ERBB4: variants seen among roughly 807,000 people sequenced by gnomAD.
The protein encoded by ERBB4 is receptor tyrosine-protein kinase erbB-4.
ERBB4 carries 42 observed loss-of-function variants against 158.0 expected under a neutral mutation model. The ratio of observed to expected loss-of-function variants is 0.27; its 90% CI spans 0.21 to 0.34. The LOEUF (loss-of-function observed/expected upper bound fraction) is 0.34, where lower values mean the gene tolerates loss of function less well. Ranked by LOEUF, ERBB4 falls within the 10% of genes least tolerant of loss-of-function variation. The pLI, the probability that ERBB4 is intolerant of heterozygous loss-of-function variation, is 1.00. For missense variants in ERBB4, 1,333 were observed against 1,624.1 expected, an observed-to-expected ratio of 0.82 and a Z score of 3.08; for synonymous variants, 583 against 558.7, an observed-to-expected ratio of 1.04 and a Z score of -0.61.
intron 3 of ERBB4, among the ~76,000 whole-genome samples, chr2:211,850,661 A>G (rs1173537228): frequency 6.6e-6 from 1 of 151,842 alleles, no homozygotes. Flanking sequence ...TATGATTAGA[A>G]GGAGCAAGGT....
At chr2:211,923,508 A>C (rs1443613634) in intron 3 of ERBB4, among the ~76,000 whole-genome samples, 1 of 152,134 alleles carries the variant, frequency 6.6e-6, no homozygotes, top group Admixed American at 6.6e-5. Context: ...AATTGCTTAT[A>C]CTAGGCAAGA....
At chr2:212,492,639 AAT>A (rs960138970) in intron 1 of ERBB4, among the ~76,000 whole-genome samples, 3 of 151,492 alleles carry the variant, frequency 2.0e-5, no homozygotes, top group Admixed American at 1.3e-4. Context: ...GATCAGATCT[AAT>A]ATGTTTCAAC....
At chr2:212,361,100 C>T (rs932218935) in intron 1 of ERBB4, among the ~76,000 whole-genome samples, 13 of 151,168 alleles carry the variant, frequency 8.6e-5, no homozygotes, top group Non-Finnish European at 1.8e-4. Flanking sequence ...TCAGTATTAT[C>T]CCAAGTCTAT....
At chr2:211,588,470 C>T (rs2068358029) in intron 19 of ERBB4, among the ~76,000 whole-genome samples, 1 of 152,056 alleles carries the variant, frequency 6.6e-6, no homozygotes, top group African/African-American at 2.4e-5. Context: ...ATGAGAAAAT[C>T]CAAATTTTCT....
chr2:212,280,461 G>A (rs890055744), intron 1 of ERBB4, among the ~76,000 whole-genome samples: 2 of 151,642 alleles, frequency 1.3e-5, no homozygotes, highest in African/African-American at 4.8e-5. Flanking sequence ...GTGATTCATA[G>A]TTTTCCCCAA....
chr2:212,244,859 A>G (rs2084253188), intron 1 of ERBB4, among the ~76,000 whole-genome samples: 1 of 152,158 alleles, frequency 6.6e-6, no homozygotes, highest in Non-Finnish European at 1.5e-5. Flanking sequence ...GCTGACATTA[A>G]TTAAGCACTT....
intron 3 of ERBB4, among the ~76,000 whole-genome samples, chr2:211,842,689 C>T (rs1480196606): frequency 1.3e-5 from 2 of 152,198 alleles, no homozygotes; most frequent in South Asian, 2.1e-4. Flanking sequence ...CCTCCCGCCA[C>T]TGACACAAAC....
chr2:212,189,727 G>A (rs1329506408), intron 1 of ERBB4, among the ~76,000 whole-genome samples: 1 of 152,116 alleles, frequency 6.6e-6, no homozygotes, highest in African/African-American at 2.4e-5. Flanking sequence ...CTTATTACAG[G>A]TCTTTAACCT....
chr2:212,357,538 A>T (rs545698352), intron 1 of ERBB4, among the ~76,000 whole-genome samples: 1 of 152,048 alleles, frequency 6.6e-6, no homozygotes, highest in South Asian at 2.1e-4. Context: ...ATCAAGCTCA[A>T]TATTTAAAAA....
chr2:211,923,963 C>A (rs965095441), intron 3 of ERBB4, among the ~76,000 whole-genome samples: 2 of 152,078 alleles, frequency 1.3e-5, no homozygotes, highest in African/African-American at 4.8e-5. Context: ...CTCACTTGAT[C>A]GACTCACCTC....
chr2:212,260,245 C>A (rs564282630), intron 1 of ERBB4, among the ~76,000 whole-genome samples: 1 of 151,872 alleles, frequency 6.6e-6, no homozygotes, highest in African/African-American at 2.4e-5. Context: ...CTAAAAAGAA[C>A]TAGAAAATTC....
intron 20 of ERBB4, among the ~76,000 whole-genome samples, chr2:211,519,841 A>C (rs1481947711): frequency 6.6e-6 from 1 of 152,162 alleles, no homozygotes; most frequent in East Asian, 1.9e-4. Context: ...AGAAATACAA[A>C]AACACTGTTA....
intron 20 of ERBB4, among the ~76,000 whole-genome samples, chr2:211,435,324 A>G (rs1159795254): frequency 6.6e-6 from 1 of 152,170 alleles, no homozygotes; most frequent in South Asian, 2.1e-4. Context: ...GTTGACATTG[A>G]CCCAGTACTT....
chr2:211,679,680 G>A (rs1194782873), intron 12 of ERBB4, among the ~76,000 whole-genome samples: 1 of 3,842 alleles, frequency 2.6e-4, no homozygotes, highest in Non-Finnish European at 8.3e-4. Context: ...TAAAACACAA[G>A]TTTTCTCGTT....
chr2:211,841,610 ATATAT>A, intron 3 of ERBB4, among the ~76,000 whole-genome samples: 1 of 151,926 alleles, frequency 6.6e-6, no homozygotes, highest in East Asian at 1.9e-4. Context: ...GATACATTTC[ATATAT>A]TATTTTATTA....
chr2:212,317,055 T>C (rs777818871), intron 1 of ERBB4, among the ~76,000 whole-genome samples: 9 of 151,528 alleles, frequency 5.9e-5, no homozygotes, highest in Non-Finnish European at 1.2e-4. Flanking sequence ...CAAAATCCCA[T>C]AGTTAATGAA....
intron 25 of ERBB4, among the ~76,000 whole-genome samples, chr2:211,417,784 T>C (rs576541632): frequency 4.6e-5 from 7 of 152,210 alleles, no homozygotes; most frequent in African/African-American, 1.7e-4. Context: ...AGATAGTGGG[T>C]AGAGCACCTT....
intron 2 of ERBB4, among the ~76,000 whole-genome samples, chr2:212,080,176 G>A (rs1029577666): frequency 6.6e-6 from 1 of 151,808 alleles, no homozygotes; most frequent in Non-Finnish European, 1.5e-5. Flanking sequence ...GCAGGGTGTG[G>A]TGGTGCGTGC....
intron 1 of ERBB4, among the ~76,000 whole-genome samples, chr2:212,332,847 T>C (rs1291089572): frequency 2.0e-5 from 3 of 152,066 alleles, no homozygotes; most frequent in Non-Finnish European, 4.4e-5. Context: ...CTGAGGGTTA[T>C]TTTTCTGCCA....
Sources: allele counts gnomAD v4.1 joint callset (sites outside exome capture counted in the v4.1 genomes callset), GRCh38; gene constraint gnomAD v4.1.1; transcripts MANE v1.5; gene names NCBI Gene and HGNC (gene_info 2026-07-23, HGNC 2026-07-21).